The following BMPR1A variants were observed in gnomAD, a reference collection of about 807,000 sequenced individuals.
BMPR1A encodes bone morphogenetic protein receptor type-1A.
Under a neutral mutation model 66.0 loss-of-function variants are expected in BMPR1A, and 7 were observed. The observed-to-expected ratio is 0.11, with a 90% confidence interval of 0.06 to 0.20. The LOEUF is 0.20. Among genes scored for constraint, BMPR1A ranks in the 10% least tolerant of loss-of-function variants. The probability of loss-of-function intolerance (pLI) is 1.00; values close to 1 mark genes in which losing one functional copy is unlikely to be tolerated. For missense variants in BMPR1A, 408 were observed against 669.1 expected, an observed-to-expected ratio of 0.61 and a Z score of 4.31; for synonymous variants, 200 against 229.7, an observed-to-expected ratio of 0.87 and a Z score of 1.17.
intron 1 of BMPR1A, 26 bp downstream of exon 1, chr10:86,756,945 C>T (rs1478520514): frequency 6.6e-5 from 10 of 151,822 alleles, no homozygotes; most frequent in Admixed American, 4.6e-4. Context: ...GCGTGCGGAC[C>T]GGAGGGGCTG....
chr10:86,875,972 A>T lies in BMPR1A; in HGVS notation c.-47A>T, dbSNP rs1283254856. ...TCATTTAAATTGGTGAAGTAGCAAG[A>T]CCAATTATTAAAGGTGACAGTACAC... On this transcript the variant is annotated 5_prime_UTR_variant, in exon 3 of 13. Coordinates refer to ENST00000372037, the MANE Select transcript of BMPR1A (RefSeq NM_004329.3). The T allele has an allele frequency of 6.8e-7, 1 of 1,470,354 alleles. No homozygotes were observed. Among genetic ancestry groups the T allele is most frequent in the African/African-American group, 1.4e-5 (1 of 70,340 alleles). 91.1% of individuals were successfully genotyped at this position (1,470,354 alleles called of 1,614,324 possible).
intron 2 of BMPR1A, among the ~76,000 whole-genome samples, chr10:86,871,825 C>G (rs549459768): frequency 3.9e-5 from 6 of 152,074 alleles, no homozygotes; most frequent in South Asian, 2.1e-4. Context: ...AAAATTTAGT[C>G]CAGTCTCCCT....
intron 2 of BMPR1A, among the ~76,000 whole-genome samples, chr10:86,865,974 G>GTT (rs1211082740): frequency 1.3e-5 from 2 of 152,218 alleles, no homozygotes; most frequent in Non-Finnish European, 2.9e-5. Flanking sequence ...CATGGGGTTG[G>GTT]TTCTGGGAGT....
At chr10:86,856,065 A>G (rs994615815) in intron 2 of BMPR1A, 1 of 579,178 alleles carries the variant, frequency 1.7e-6, no homozygotes, top group Non-Finnish European at 3.4e-6. Flanking sequence ...CAGATGCTTC[A>G]TAACAAAAAT....
At chr10:86,858,882 T>A (rs1038112783) in intron 2 of BMPR1A, among the ~76,000 whole-genome samples, 2 of 151,990 alleles carry the variant, frequency 1.3e-5, no homozygotes, top group African/African-American at 4.8e-5. Flanking sequence ...GCAATCCCTA[T>A]CAAAATACCA....
At chr10:86,836,894 CTA>C (rs1369534932) in intron 1 of BMPR1A, among the ~76,000 whole-genome samples, 1 of 152,062 alleles carries the variant, frequency 6.6e-6, no homozygotes, top group Non-Finnish European at 1.5e-5. Flanking sequence ...GATTGTGCCA[CTA>C]TACGCCAGCC....
chr10:86,767,211 AC>A (rs1490288110), intron 1 of BMPR1A, among the ~76,000 whole-genome samples: 1 of 152,176 alleles, frequency 6.6e-6, no homozygotes, highest in Non-Finnish European at 1.5e-5. Flanking sequence ...ATATTAAAAA[AC>A]AAAAAATTTT....
At chr10:86,900,908 C>T (rs1358196206) in intron 7 of BMPR1A, among the ~76,000 whole-genome samples, 1 of 152,246 alleles carries the variant, frequency 6.6e-6, no homozygotes, top group East Asian at 1.9e-4. Context: ...CCCAGTGATT[C>T]TCACTGCCTG....
At chr10:86,922,891 G>A (rs1160420843) in intron 11 of BMPR1A, among the ~76,000 whole-genome samples, 2 of 152,238 alleles carry the variant, frequency 1.3e-5, no homozygotes, top group Non-Finnish European at 2.9e-5. Flanking sequence ...GTAGGGAACT[G>A]TTTACCATTT....
intron 1 of BMPR1A, among the ~76,000 whole-genome samples, chr10:86,800,477 C>T (rs1012301308): frequency 1.3e-5 from 2 of 152,282 alleles, no homozygotes; most frequent in East Asian, 1.9e-4. Context: ...CCGCAACCTC[C>T]GCCTCCCAGG....
chr10:86,800,104 T>G (rs1014425172), intron 1 of BMPR1A, among the ~76,000 whole-genome samples: 2 of 152,348 alleles, frequency 1.3e-5, no homozygotes, highest in Non-Finnish European at 2.9e-5. Context: ...TGGCTTATAA[T>G]GTAATTTTTT....
chr10:86,905,537 C>G (rs1843372588), intron 7 of BMPR1A, among the ~76,000 whole-genome samples: 1 of 152,102 alleles, frequency 6.6e-6, no homozygotes, highest in African/African-American at 2.4e-5. Flanking sequence ...TTGCCACTTT[C>G]CTATTGAATT....
intron 2 of BMPR1A, among the ~76,000 whole-genome samples, chr10:86,870,689 G>A (rs1484735925): frequency 3.3e-5 from 5 of 152,056 alleles, no homozygotes; most frequent in African/African-American, 1.2e-4. Context: ...CTTCCAAAGT[G>A]CTGAGATTAC....
intron 1 of BMPR1A, among the ~76,000 whole-genome samples, chr10:86,767,165 AC>A (rs953408986): frequency 1.3e-5 from 2 of 152,136 alleles, no homozygotes; most frequent in Admixed American, 1.3e-4. Context: ...AGCTGAAAAA[AC>A]ATTCATGATA....
At chr10:86,835,667 C>T (rs1023479818) in intron 1 of BMPR1A, among the ~76,000 whole-genome samples, 1 of 139,690 alleles carries the variant, frequency 7.2e-6, no homozygotes, top group Non-Finnish European at 1.5e-5. Context: ...TAATAGAAAT[C>T]AGTGGGTGAC....
intron 1 of BMPR1A, among the ~76,000 whole-genome samples, chr10:86,833,824 G>A (rs1418873069): frequency 6.6e-6 from 1 of 152,180 alleles, no homozygotes; most frequent in Non-Finnish European, 1.5e-5. Flanking sequence ...CACCCTATCT[G>A]CTGAGTTACT....
At chr10:86,889,947 G>T in intron 3 of BMPR1A, 115 bp from the exon 4 acceptor site, 1 of 1,102,402 alleles carries the variant, frequency 9.1e-7, no homozygotes, top group Non-Finnish European at 1.3e-6. Context: ...AAAGAAACAT[G>T]CTAGCTACAA....
chr10:86,902,635 A>G (rs1246778063), intron 7 of BMPR1A, among the ~76,000 whole-genome samples: 1 of 152,224 alleles, frequency 6.6e-6, no homozygotes, highest in African/African-American at 2.4e-5. Flanking sequence ...CCCTACCCAT[A>G]TACTAACAGC....
chr10:86,838,203 T>C (rs1271524788), intron 1 of BMPR1A, among the ~76,000 whole-genome samples: 1 of 152,164 alleles, frequency 6.6e-6, no homozygotes, highest in African/African-American at 2.4e-5. Flanking sequence ...CACTCCAGCC[T>C]GGGCGACAGA....
Sources: gnomAD v4.1 joint callset for allele counts (sites outside exome capture counted in the v4.1 genomes callset) on GRCh38, gnomAD v4.1.1 for gene constraint, MANE v1.5 for transcripts, NCBI Gene and HGNC (gene_info 2026-07-23, HGNC 2026-07-21) for gene names.